Variants in HS3ST4 observed in about 807,000 individuals in gnomAD.
HS3ST4 encodes the protein heparan sulfate glucosamine 3-O-sulfotransferase 4.
HS3ST4 carries 17 observed loss-of-function variants against 29.2 expected under a neutral mutation model. The ratio of observed to expected loss-of-function variants is 0.58; its 90% confidence interval spans 0.40 to 0.87. The LOEUF (loss-of-function observed/expected upper bound fraction) is 0.87. Among genes scored for constraint, HS3ST4 ranks in the 40% least tolerant of loss-of-function variants. The pLI is 0.00. For missense variants in HS3ST4, 627 were observed against 634.5 expected, an observed-to-expected ratio of 0.99 and a Z score of 0.13; for synonymous variants, 314 against 285.7, an observed-to-expected ratio of 1.10 and a Z score of -1.00.
intron 1 of HS3ST4, among the ~76,000 whole-genome samples, chr16:25,863,010 C>A (rs1967654350): frequency 1.3e-5 from 2 of 152,146 alleles, no homozygotes; most frequent in Admixed American, 6.5e-5. Flanking sequence ...TTGCATTTCC[C>A]TCATTAGTAA....
Position 25,939,042 on chromosome 16 carries a change from T to C in HS3ST4, c.735-196570T>C, listed in dbSNP as rs1382105755. Among the ~76,000 whole-genome samples, 6 of 152,138 alleles carry C rather than the reference T, an allele frequency of 3.9e-5. No homozygotes were observed. In the East Asian group the frequency reaches 1.2e-3, roughly 29 times the overall value. ...GATCAGTGATGGCTGAATGCATAAA[T>C]TTGGCCCTCTTACTCCAAATTAGAA... On this transcript the variant is annotated intron_variant, in intron 1 of 1. Transcript: ENST00000331351.
chr16:25,815,623 A>G (rs902529841), intron 1 of HS3ST4, among the ~76,000 whole-genome samples: 1 of 152,196 alleles, frequency 6.6e-6, no homozygotes, highest in South Asian at 2.1e-4. Context: ...GTGCCCGGCC[A>G]TAAGTATTAT....
chr16:26,033,612 C>T (rs1186428422), intron 1 of HS3ST4, among the ~76,000 whole-genome samples: 1 of 152,002 alleles, frequency 6.6e-6, no homozygotes, highest in Non-Finnish European at 1.5e-5. Context: ...ATTCCAGCTA[C>T]TCCTGAGGCT....
At chr16:25,743,548 C>T (rs921823921) in intron 1 of HS3ST4, among the ~76,000 whole-genome samples, 1 of 152,134 alleles carries the variant, frequency 6.6e-6, no homozygotes, top group Non-Finnish European at 1.5e-5. Context: ...CTCTGTCACC[C>T]AGGCTGGAGT....
intron 1 of HS3ST4, among the ~76,000 whole-genome samples, chr16:25,912,258 G>A (rs1968248840): frequency 2.0e-5 from 3 of 152,190 alleles, no homozygotes; most frequent in Admixed American, 6.5e-5. Context: ...TCTTGTCCCC[G>A]GCATCTCAAG....
intron 1 of HS3ST4, among the ~76,000 whole-genome samples, chr16:26,007,036 A>G (rs1030398486): frequency 6.6e-6 from 1 of 152,220 alleles, no homozygotes. Flanking sequence ...TCTCACTGTT[A>G]TAATTTTTGC....
chr16:26,106,986 C>T (rs1459155908), intron 1 of HS3ST4, among the ~76,000 whole-genome samples: 1 of 152,106 alleles, frequency 6.6e-6, no homozygotes, highest in Non-Finnish European at 1.5e-5. Flanking sequence ...TAGCCCTCGA[C>T]TATCTAGAAT....
At chr16:26,099,977 G>T (rs1234818612) in intron 1 of HS3ST4, among the ~76,000 whole-genome samples, 1 of 152,160 alleles carries the variant, frequency 6.6e-6, no homozygotes, top group Non-Finnish European at 1.5e-5. Context: ...ACTTCAAGGG[G>T]CTGTGTGGCT....
chr16:25,818,892 T>C lies in HS3ST4; in HGVS notation c.734+125741T>C, dbSNP rs186687660. 2.5e-3 allele frequency among the ~76,000 whole-genome samples: 388 copies of C among 152,236 alleles called. 1 individual carries two copies. Among genetic ancestry groups the C allele is most frequent in the Non-Finnish European group, 4.9e-3 (333 of 68,014 alleles). On this transcript the variant is annotated intron_variant, in intron 1 of 1. Coordinates refer to ENST00000331351, the MANE Select transcript of HS3ST4 (RefSeq NM_006040.3). ...TGAAGACAGAGGATGGATTCAGAGATAGAGACAGAGAGGCTAGAGCTCAAA... is the reference window on the plus strand; with the variant it reads ...TGAAGACAGAGGATGGATTCAGAGACAGAGACAGAGAGGCTAGAGCTCAAA...
At chr16:25,863,276 T>C (rs1232781500) in intron 1 of HS3ST4, among the ~76,000 whole-genome samples, 1 of 151,964 alleles carries the variant, frequency 6.6e-6, no homozygotes, top group African/African-American at 2.4e-5. Context: ...TAGAGCGGGG[T>C]TTCACCATGT....
chr16:25,801,841 G>C (rs1966938363), intron 1 of HS3ST4, among the ~76,000 whole-genome samples: 2 of 151,524 alleles, frequency 1.3e-5, no homozygotes, highest in African/African-American at 4.9e-5. Flanking sequence ...TGCTTTTTTT[G>C]ATGTAGACAA....
At chr16:25,847,772 G>T (rs992229099) in intron 1 of HS3ST4, among the ~76,000 whole-genome samples, 3 of 152,124 alleles carry the variant, frequency 2.0e-5, no homozygotes, top group African/African-American at 2.4e-5. Context: ...AAAAAAGAAG[G>T]TGGCTAATTT....
Position 26,095,987 on chromosome 16 carries a change from G to A in HS3ST4, c.735-39625G>A, listed in dbSNP as rs143765042. On this transcript the variant is annotated intron_variant, in intron 1 of 1. Coordinates refer to ENST00000331351, the MANE Select transcript of HS3ST4 (RefSeq NM_006040.3). ...ACTGCCATCAGAGAATACTATAAAC[G>A]CCTCTATGCAAATAAATTAGAAAAT... is the stretch of plus-strand genomic sequence containing the variant. Among the ~76,000 whole-genome samples the A allele has an allele frequency of 8.1e-3, 1,230 of 152,128 alleles. 35 individuals carry two copies. The highest frequency in any genetic ancestry group is 4.6e-3 in the Non-Finnish European group (311 of 67,976).
intron 1 of HS3ST4, among the ~76,000 whole-genome samples, chr16:25,743,736 C>T (rs1966669286): frequency 6.6e-6 from 1 of 152,112 alleles, no homozygotes; most frequent in Non-Finnish European, 1.5e-5. Context: ...GTACTCTTGG[C>T]CTCAAGTGAC....
At chr16:25,824,716 A>G (rs574196133) in intron 1 of HS3ST4, 5 of 152,336 alleles carry the variant, frequency 3.3e-5, no homozygotes, top group African/African-American at 1.2e-4. Context: ...TCTTGTGTGC[A>G]GATCTGGCTG....
At position 26,135,840 on chromosome 16, in the gene HS3ST4, C is replaced by G. The variant is rs767372371; in HGVS notation, c.963C>G (p.Leu321=). 6.2e-7 allele frequency: 1 copy of G among 1,614,008 alleles called. No individual in the cohort carries two copies. Among genetic ancestry groups the G allele is most frequent in the Non-Finnish European group, 8.5e-7 (1 of 1,179,886 alleles). The stretch of plus-strand genomic sequence containing the variant: ...TGCTGGCCTTCAAAAACCGGACCCT[C>G]GGGCTGATCGATGCTTCCTGGAGTG... ...FEVLAFKNRT[L]GLIDASWSAI... The change falls in exon 2 of 2, where the codon CTC becomes CTG. Residue 321 remains leucine (L), a synonymous_variant. Coordinates refer to ENST00000331351, the MANE Select transcript of HS3ST4 (RefSeq NM_006040.3).
At position 25,783,170 on chromosome 16, in the gene HS3ST4, T is replaced by C. The variant is rs573550826; in HGVS notation, c.734+90019T>C. 3.3e-5 allele frequency among the ~76,000 whole-genome samples: 5 copies of C among 152,336 alleles called. No individual in the cohort carries two copies. The South Asian group carries it at 1.0e-3, about 32-fold the overall frequency. ...ATTGCAAATATGTCTGAAGATGTCA[T>C]TGTCAGTGAAAGCAGTCTATTCAAT... On this transcript the variant is annotated intron_variant, in intron 1 of 1. Coordinates refer to ENST00000331351, the MANE Select transcript of HS3ST4 (RefSeq NM_006040.3).
intron 1 of HS3ST4, among the ~76,000 whole-genome samples, chr16:26,113,640 C>T (rs781039932): frequency 6.6e-6 from 1 of 151,960 alleles, no homozygotes; most frequent in Non-Finnish European, 1.5e-5. Flanking sequence ...TTTTGGTCAA[C>T]CATTTATCAG....
At chr16:25,801,980 T>C (rs1966940450) in intron 1 of HS3ST4, among the ~76,000 whole-genome samples, 1 of 148,892 alleles carries the variant, frequency 6.7e-6, no homozygotes, top group Non-Finnish European at 1.5e-5. Context: ...AATATTTTCT[T>C]TTTTTTTTTT....
Sources: gnomAD v4.1 joint callset for allele counts (sites outside exome capture counted in the v4.1 genomes callset) on GRCh38, gnomAD v4.1.1 for gene constraint, MANE v1.5 for transcripts, NCBI Gene and HGNC (gene_info 2026-07-23, HGNC 2026-07-21) for gene names.